Variants in AGBL4 observed in about 807,000 individuals in gnomAD.
The protein encoded by AGBL4 is cytosolic carboxypeptidase 6.
AGBL4 carries 58 observed loss-of-function variants against 66.4 expected under a neutral mutation model. The observed-to-expected ratio is 0.87, with a 90% CI of 0.71 to 1.09. The LOEUF (loss-of-function observed/expected upper bound fraction) is 1.09, where lower values mean the gene tolerates loss of function less well. Among genes scored for constraint, AGBL4 ranks in the 50% least tolerant of loss-of-function variants. The pLI is 0.00. For missense variants in AGBL4, 579 were observed against 631.0 expected (o/e 0.92, Z 0.88); for synonymous variants, 234 against 222.9 (o/e 1.05, Z -0.44).
intron 4 of AGBL4, among the ~76,000 whole-genome samples, chr1:49,087,215 C>T (rs1158968968): frequency 1.3e-5 from 2 of 152,070 alleles, no homozygotes; most frequent in African/African-American, 4.8e-5. Context: ...CACTAGTTCT[C>T]CAGCAATGGT....
At chr1:49,375,947 C>G (rs1644463688) in intron 3 of AGBL4, among the ~76,000 whole-genome samples, 1 of 152,022 alleles carries the variant, frequency 6.6e-6, no homozygotes, top group Admixed American at 6.6e-5. Flanking sequence ...GAAATGTCTC[C>G]CAAGATCCCA....
intron 6 of AGBL4, among the ~76,000 whole-genome samples, chr1:48,785,404 C>A (rs1429293152): frequency 6.6e-6 from 1 of 152,122 alleles, no homozygotes; most frequent in East Asian, 1.9e-4. Context: ...TGAGAGGCAA[C>A]AGGTGTACGA....
chr1:49,583,872 C>T (rs551571135), intron 3 of AGBL4, among the ~76,000 whole-genome samples: 2 of 152,286 alleles, frequency 1.3e-5, no homozygotes. Context: ...CAATCTGCCC[C>T]AGTTGGCTTA....
intron 3 of AGBL4, among the ~76,000 whole-genome samples, chr1:49,308,360 T>A (rs1235053427): frequency 1.3e-5 from 2 of 152,172 alleles, no homozygotes; most frequent in African/African-American, 4.8e-5. Context: ...AATGTAGATA[T>A]ATAAGATAGT....
intron 1 of AGBL4, among the ~76,000 whole-genome samples, chr1:49,867,089 C>T (rs1486315007): frequency 3.3e-5 from 5 of 151,962 alleles, no homozygotes; most frequent in African/African-American, 4.8e-5. Flanking sequence ...CCTGTCCTGC[C>T]GGGAGGTGCG....
chr1:48,637,289 T>C (rs549124505), intron 8 of AGBL4, among the ~76,000 whole-genome samples: 11 of 152,332 alleles, frequency 7.2e-5, no homozygotes, highest in African/African-American at 2.4e-4. Flanking sequence ...GATGACCTCT[T>C]CTTTTCCTTC....
At chr1:48,741,454 C>CG (rs1351144506) in intron 6 of AGBL4, among the ~76,000 whole-genome samples, 4 of 152,206 alleles carry the variant, frequency 2.6e-5, no homozygotes, top group Non-Finnish European at 4.4e-5. Context: ...GCAAAGCTGA[C>CG]GTTTCAAGCC....
intron 6 of AGBL4, among the ~76,000 whole-genome samples, chr1:48,689,376 C>A: frequency 6.9e-6 from 1 of 143,970 alleles, no homozygotes. Flanking sequence ...ATGACGGTCA[C>A]CTACCTACCT....
intron 5 of AGBL4, among the ~76,000 whole-genome samples, chr1:49,043,680 T>C (rs1273309954): frequency 6.6e-6 from 1 of 152,154 alleles, no homozygotes; most frequent in African/African-American, 2.4e-5. Flanking sequence ...TCAAAATATA[T>C]AGGCAACAGA....
chr1:49,666,007 T>A (rs560427582), intron 3 of AGBL4, among the ~76,000 whole-genome samples: 97 of 151,812 alleles, frequency 6.4e-4, no homozygotes, highest in African/African-American at 1.3e-3. Context: ...TTAAAATTTT[T>A]AAAAAATTTT....
At chr1:49,793,443 A>G (rs1644652391) in intron 2 of AGBL4, among the ~76,000 whole-genome samples, 1 of 151,964 alleles carries the variant, frequency 6.6e-6, no homozygotes, top group Non-Finnish European at 1.5e-5. Flanking sequence ...AATCTGTTGG[A>G]GTAGAATAAT....
intron 5 of AGBL4, among the ~76,000 whole-genome samples, chr1:49,002,840 G>C (rs1361395189): frequency 1.3e-5 from 2 of 152,126 alleles, no homozygotes; most frequent in Admixed American, 6.6e-5. Flanking sequence ...CTCCACTCAG[G>C]AAGCAGAATT....
At chr1:49,288,167 G>A (rs891673568) in intron 3 of AGBL4, among the ~76,000 whole-genome samples, 1 of 135,938 alleles carries the variant, frequency 7.4e-6, no homozygotes, top group Admixed American at 7.9e-5. Context: ...TGAACAATGA[G>A]ATCACATGGA....
intron 1 of AGBL4, among the ~76,000 whole-genome samples, chr1:49,879,630 T>G (rs1027970283): frequency 2.7e-5 from 4 of 147,276 alleles, no homozygotes; most frequent in African/African-American, 7.7e-5. Flanking sequence ...AATCTGACAA[T>G]TATGTGTCTT....
At chr1:49,378,039 C>G (rs1644508306) in intron 3 of AGBL4, among the ~76,000 whole-genome samples, 1 of 145,496 alleles carries the variant, frequency 6.9e-6, no homozygotes, top group Non-Finnish European at 1.5e-5. Context: ...CCAACACAAA[C>G]TTCATGCCAT....
At chr1:48,555,140 G>A (rs745617387) in intron 11 of AGBL4, among the ~76,000 whole-genome samples, 15 of 151,882 alleles carry the variant, frequency 9.9e-5, no homozygotes, top group Admixed American at 2.0e-4. Flanking sequence ...CACCCTGGAA[G>A]CTTCTCAGAA....
At chr1:48,761,327 AT>A in intron 6 of AGBL4, 1 of 1,542,340 alleles carries the variant, frequency 6.5e-7, no homozygotes, top group Non-Finnish European at 8.7e-7. Context: ...GAAAGGAAAG[AT>A]TTTGTTACCT....
At chr1:49,277,898 T>C (rs140555853) in intron 3 of AGBL4, among the ~76,000 whole-genome samples, 2 of 152,360 alleles carry the variant, frequency 1.3e-5, no homozygotes, top group East Asian at 3.9e-4. Flanking sequence ...CACTACTTTT[T>C]AGTACAAGTC....
At position 49,200,916 on chromosome 1, in the gene AGBL4, C is replaced by T. The variant is rs1408504958; in HGVS notation, c.377+44854G>A. 2.6e-5 allele frequency among the ~76,000 whole-genome samples: 4 copies of T among 152,270 alleles called. No homozygotes were observed. In the South Asian group the frequency reaches 8.3e-4, roughly 32 times the overall value. On this transcript the variant is annotated intron_variant, in intron 4 of 13. Coordinates refer to ENST00000371839, the MANE Select transcript of AGBL4 (RefSeq NM_032785.4). ...GGGGGGTGGGGTTAAAAAGCCCAAC[C>T]TTCTAATTGCAACTTGATCTTTCCT...
Sources: allele counts gnomAD v4.1 joint callset (sites outside exome capture counted in the v4.1 genomes callset), GRCh38; gene constraint gnomAD v4.1.1; transcripts MANE v1.5; gene names NCBI Gene and HGNC (gene_info 2026-07-23, HGNC 2026-07-21).